Variants in TAFA5 observed in about 807,000 individuals in gnomAD.
TAFA5 encodes TAFA chemokine like family member 5, also known as chemokine-like protein TAFA-5.
In TAFA5, 6 loss-of-function variants were observed where a neutral mutation model predicts 15.3. The ratio of observed to expected loss-of-function variants is 0.39; its 90% CI spans 0.21 to 0.77. The LOEUF is 0.77. TAFA5 is among the 30% of genes least tolerant of loss of function. The pLI is 0.41. For missense variants in TAFA5, 161 were observed against 193.1 expected, an observed-to-expected ratio of 0.83 and a Z score of 0.98; for synonymous variants, 103 against 80.7, an observed-to-expected ratio of 1.28 and a Z score of -1.48.
chr22:48,561,657 C>T (rs888566750), intron 1 of TAFA5, among the ~76,000 whole-genome samples: 5 of 152,150 alleles, frequency 3.3e-5, no homozygotes, highest in African/African-American at 7.2e-5. Context: ...AAGCCTTGGA[C>T]CCCCCAACCC....
chr22:48,676,935 T>C (rs555933475), intron 2 of TAFA5, among the ~76,000 whole-genome samples: 1 of 152,310 alleles, frequency 6.6e-6, no homozygotes, highest in African/African-American at 2.4e-5. Flanking sequence ...GGGGGTCACC[T>C]TTTTGAGCTG....
In TAFA5 at chr22:48,707,949, T is replaced by A. The variant is rs543501505; in HGVS notation, c.390+105T>A. ...GCGGGGACAGGTGGCAGCTGCTCAC[T>A]CCATCCTCATGCAGAGAGGCCAGGG... On this transcript the variant is annotated intron_variant, in intron 3 of 3. Transcript: ENST00000402357. 1.1e-4 allele frequency: 164 copies of A among 1,445,312 alleles called. No homozygotes were observed. In the African/African-American group the frequency reaches 1.8e-3, roughly 16 times the overall value. The allele number at this position is 1,445,312 out of a possible 1,614,324, so 89.5% of individuals were successfully genotyped here.
chr22:48,636,997 C>G (rs1926474080), intron 1 of TAFA5, among the ~76,000 whole-genome samples: 1 of 152,138 alleles, frequency 6.6e-6, no homozygotes, highest in Non-Finnish European at 1.5e-5. Flanking sequence ...CCCAAGTGAG[C>G]AAAGCCGGGC....
intron 1 of TAFA5, among the ~76,000 whole-genome samples, chr22:48,561,226 G>C (rs1923219154): frequency 6.6e-6 from 1 of 152,124 alleles, no homozygotes; most frequent in African/African-American, 2.4e-5. Context: ...ACCCTTTGCT[G>C]GTACCTCTAT....
At position 48,489,964 on chromosome 22, in the gene TAFA5, C is replaced by T. The variant is rs1928084276; in HGVS notation, c.112+260C>T. 6.6e-6 allele frequency among the ~76,000 whole-genome samples: 1 copy of T among 151,822 alleles called. No homozygotes were observed. The highest frequency in any genetic ancestry group is 2.4e-5 in the African/African-American group (1 of 41,396). ...CCCTGACTCCCCGGCAGGGCCCGGG[C>T]TCCAGGCCCCGGGTGGCGCGGCCCG... On this transcript the variant is annotated intron_variant, in intron 1 of 3. Coordinates refer to ENST00000402357, the MANE Select transcript of TAFA5 (RefSeq NM_001082967.3). This position sits in a 1 kb window ranked among gnomAD's most constrained non-coding sequence, Gnocchi z 5.5.
At chr22:48,664,883 G>A (rs1428619081) in intron 2 of TAFA5, among the ~76,000 whole-genome samples, 2 of 152,158 alleles carry the variant, frequency 1.3e-5, no homozygotes, top group South Asian at 2.1e-4. Flanking sequence ...GTCATTCTGC[G>A]TGATGCTGCT....
chr22:48,536,215 A>T (rs1922157207), intron 1 of TAFA5, among the ~76,000 whole-genome samples: 2 of 152,378 alleles, frequency 1.3e-5, no homozygotes, highest in South Asian at 4.1e-4. Flanking sequence ...TCCATTAATT[A>T]GCAGGGACTT....
intron 2 of TAFA5, among the ~76,000 whole-genome samples, chr22:48,656,480 T>TG (rs1927248211): frequency 6.6e-6 from 1 of 151,186 alleles, no homozygotes; most frequent in Non-Finnish European, 1.5e-5. Context: ...AACTCCAGCC[T>TG]GGTGACAGAG....
intron 2 of TAFA5, among the ~76,000 whole-genome samples, chr22:48,652,221 T>C (rs1927080795): frequency 6.6e-6 from 1 of 152,232 alleles, no homozygotes; most frequent in Non-Finnish European, 1.5e-5. Flanking sequence ...TCACCTGCTC[T>C]ATTGTACGCA....
At chr22:48,683,567 C>T (rs1366762286) in intron 2 of TAFA5, among the ~76,000 whole-genome samples, 1 of 152,234 alleles carries the variant, frequency 6.6e-6, no homozygotes, top group Non-Finnish European at 1.5e-5. Flanking sequence ...ACCGTGCACT[C>T]GCTGGTTCCT....
chr22:48,547,760 C>G (rs1922725860), intron 1 of TAFA5, among the ~76,000 whole-genome samples: 1 of 152,182 alleles, frequency 6.6e-6, no homozygotes, highest in South Asian at 2.1e-4. Context: ...CCACTCAGAC[C>G]TGCGGAGTCC....
At chr22:48,689,406 G>A (rs528598500) in intron 2 of TAFA5, among the ~76,000 whole-genome samples, 3 of 152,252 alleles carry the variant, frequency 2.0e-5, no homozygotes, top group Non-Finnish European at 4.4e-5. Context: ...GGGATTTAGC[G>A]ATTCCCTGAC....
Position 48,627,791 on chromosome 22 carries a change from A to T in TAFA5, c.113-18806A>T, listed in dbSNP as rs565878365. Among the ~76,000 whole-genome samples the T allele has an allele frequency of 3.3e-5, 5 of 152,334 alleles. No individual in the cohort carries two copies. In the East Asian group the frequency reaches 7.7e-4, roughly 24 times the overall value. ...TGCAGGGAGTAAGGGCCTCAGGGCCATGGCCAGGACGAGGGGGAGGGAGGC... is the reference window on the plus strand; with the variant it reads ...TGCAGGGAGTAAGGGCCTCAGGGCCTTGGCCAGGACGAGGGGGAGGGAGGC... On this transcript the variant is annotated intron_variant, in intron 1 of 3. Transcript: ENST00000402357.
rs76833166 is a variant in TAFA5 at position 48,537,087 on chromosome 22, C to T, written c.112+47383C>T. Among the ~76,000 whole-genome samples, 451 of 152,292 alleles carry T rather than the reference C, an allele frequency of 3.0e-3. 2 individuals are homozygous for T. The highest frequency in any genetic ancestry group is 9.9e-3 in the African/African-American group (410 of 41,558). ...CCAAACAAAAACCCCCTCGGCCTCCCGGTCTGGCAGGAATTGGGGAGGTCC... is the reference window on the plus strand; with the variant it reads ...CCAAACAAAAACCCCCTCGGCCTCCTGGTCTGGCAGGAATTGGGGAGGTCC... On this transcript the variant is annotated intron_variant, in intron 1 of 3. Transcript: ENST00000402357.
chr22:48,695,445 C>T (rs1263787006), intron 2 of TAFA5, among the ~76,000 whole-genome samples: 1 of 152,192 alleles, frequency 6.6e-6, no homozygotes, highest in Non-Finnish European at 1.5e-5. Flanking sequence ...CAGCAAGCAA[C>T]TCTGTGTTAA....
At chr22:48,695,575 C>T (rs1012228055) in intron 2 of TAFA5, among the ~76,000 whole-genome samples, 1 of 152,188 alleles carries the variant, frequency 6.6e-6, no homozygotes, top group African/African-American at 2.4e-5. Context: ...CCACTTGTGC[C>T]TGTCTGTCTG....
At chr22:48,647,875 A>G (rs770609679) in intron 2 of TAFA5, among the ~76,000 whole-genome samples, 2 of 152,088 alleles carry the variant, frequency 1.3e-5, no homozygotes, top group African/African-American at 2.4e-5. Flanking sequence ...GGAGTCCCCT[A>G]TGTGGGGTCC....
chr22:48,720,833 G>T (rs114250083), intron 3 of TAFA5, among the ~76,000 whole-genome samples: 1,755 of 152,282 alleles, frequency 0.012, 26 homozygotes, highest in African/African-American at 0.032. Context: ...GAGGAACTCT[G>T]CTCACAGTGC....
At chr22:48,653,997 G>A (rs1038149473) in intron 2 of TAFA5, among the ~76,000 whole-genome samples, 7 of 152,144 alleles carry the variant, frequency 4.6e-5, no homozygotes, top group Non-Finnish European at 8.8e-5. Context: ...GTCCCGTCAC[G>A]TAGGCACGGC....
Sources: allele counts gnomAD v4.1 joint callset (sites outside exome capture counted in the v4.1 genomes callset), GRCh38; gene constraint gnomAD v4.1.1; non-coding constraint Gnocchi (gnomAD v3.1); transcripts MANE v1.5; gene names NCBI Gene and HGNC (gene_info 2026-07-23, HGNC 2026-07-21).